Variants in JHY observed in about 807,000 individuals in gnomAD.
The protein encoded by JHY is junctional cadherin complex regulator, also known as jhy protein homolog.
In JHY, 69 loss-of-function variants were observed where a neutral mutation model predicts 78.0. The observed-to-expected ratio is 0.88, with a 90% confidence interval of 0.73 to 1.08. The LOEUF is 1.08. JHY is among the 50% of genes least tolerant of loss of function. The pLI, the probability that JHY is intolerant of heterozygous loss-of-function variation, is 0.00. For missense variants in JHY, 944 were observed against 927.8 expected, an observed-to-expected ratio of 1.02 and a Z score of -0.23; for synonymous variants, 368 against 342.6, an observed-to-expected ratio of 1.07 and a Z score of -0.82.
chr11:122,928,798 G>A (rs1246298847), intron 4 of JHY, among the ~76,000 whole-genome samples: 11 of 151,916 alleles, frequency 7.2e-5, no homozygotes, highest in Non-Finnish European at 1.5e-4. Flanking sequence ...ATAGGCACCC[G>A]CCACCACGCC....
At position 122,935,198 on chromosome 11, in the gene JHY, C is replaced by G; in HGVS notation, c.1634+123C>G. 1.2e-6 allele frequency: 1 copy of G among 848,658 alleles called. No individual in the cohort carries two copies. Among genetic ancestry groups the G allele is most frequent in the Non-Finnish European group, 1.7e-6 (1 of 573,722 alleles). 52.6% of individuals were successfully genotyped at this position (848,658 alleles called of 1,614,324 possible). On this transcript the variant is annotated intron_variant, in intron 5 of 8. Transcript: ENST00000227349. The surrounding 1 kb of genome is among the most constrained non-coding windows in gnomAD (Gnocchi z 4.5). ...TGGCTAGGTGAGAAGAAGAGTTCAC[C>G]TAACAACTTCCTTAGCTCTGATTCC...
Position 122,917,317 on chromosome 11 carries a change from A to G in JHY, c.865-7580A>G, listed in dbSNP as rs561446407. 1.3e-5 allele frequency among the ~76,000 whole-genome samples: 2 copies of G among 152,338 alleles called. No individual in the cohort carries two copies. The highest frequency in any genetic ancestry group is 4.1e-4 in the South Asian group (2 of 4,824). ...TCATCCAGTGAGTTAGTTAAGGAGA[A>G]GGTGGATAGTGCTGTAGTTGTATGT... is the stretch of plus-strand genomic sequence containing the variant. On this transcript the variant is annotated intron_variant, in intron 3 of 8. Coordinates refer to ENST00000227349, the MANE Select transcript of JHY (RefSeq NM_024806.4). This position sits in a 1 kb window ranked among gnomAD's most constrained non-coding sequence, Gnocchi z 4.1.
chr11:122,893,503 C>T (rs140161747), intron 2 of JHY, among the ~76,000 whole-genome samples: 6 of 152,122 alleles, frequency 3.9e-5, no homozygotes, highest in Admixed American at 6.5e-5. Context: ...TGCATTATTG[C>T]GTTAAAATAA....
chr11:122,947,853 G>A (rs1863998088), intron 6 of JHY, among the ~76,000 whole-genome samples: 1 of 152,190 alleles, frequency 6.6e-6, no homozygotes, highest in Admixed American at 6.5e-5. Context: ...CCTTGGCCAA[G>A]GTTCTGAGGG....
rs759001782 is a variant in JHY, at chr11:122,898,821, G to A, written c.345-5104G>A. Among the ~76,000 whole-genome samples the A allele has an allele frequency of 2.0e-5, 3 of 152,258 alleles. No homozygotes were observed. Among genetic ancestry groups the A allele is most frequent in the East Asian group, 1.9e-4 (1 of 5,182 alleles). The stretch of plus-strand genomic sequence containing the variant: ...CCGAGCTGCTTCAAGTGTTTGCAAC[G>A]TCCCTCGAGATCTGACCTTTGCTTG... On this transcript the variant is annotated intron_variant, in intron 2 of 8. Coordinates refer to ENST00000227349, the MANE Select transcript of JHY (RefSeq NM_024806.4). The surrounding 1 kb of genome is among the most constrained non-coding windows in gnomAD (Gnocchi z 4.4).
chr11:122,897,163 A>C (rs1012608553), intron 2 of JHY, among the ~76,000 whole-genome samples: 1 of 151,848 alleles, frequency 6.6e-6, no homozygotes, highest in Non-Finnish European at 1.5e-5. Context: ...CCAAATTTAG[A>C]TGTATTAGTT....
At chr11:122,920,564 TTTGTAG>T (rs1378707920) in intron 3 of JHY, among the ~76,000 whole-genome samples, 1 of 152,220 alleles carries the variant, frequency 6.6e-6, no homozygotes, top group Admixed American at 6.5e-5. Context: ...ATCAACTTTT[TTTGTAG>T]TGCTGTCTGA....
chr11:122,887,340 C>T (rs539561180), intron 2 of JHY, among the ~76,000 whole-genome samples: 11 of 152,008 alleles, frequency 7.2e-5, no homozygotes, highest in Admixed American at 2.0e-4. Flanking sequence ...GTGTGTGGGA[C>T]GGGGGAGGAG....
intron 2 of JHY, among the ~76,000 whole-genome samples, chr11:122,896,778 C>T (rs749762978): frequency 2.0e-5 from 3 of 152,238 alleles, no homozygotes; most frequent in Admixed American, 1.3e-4. Flanking sequence ...CTCTCTGACA[C>T]GTGCTTCCAC....
chr11:122,959,625 A>C lies in JHY; in HGVS notation c.*180A>C, dbSNP rs1864269688. ...CAATTGGATTATGGTGCCATATTTT[A>C]CTTTCTAGGAAGAAAATTTTTTAAA... On this transcript the variant is annotated 3_prime_UTR_variant, in exon 9 of 9. Transcript: ENST00000227349. The C allele has an allele frequency of 3.4e-6, 2 of 594,610 alleles. No homozygotes were observed. The highest frequency in any genetic ancestry group is 5.7e-6 in the Non-Finnish European group (2 of 351,874). The allele number at this position is 594,610 out of a possible 1,614,324, so 36.8% of individuals were successfully genotyped here.
intron 5 of JHY, among the ~76,000 whole-genome samples, chr11:122,942,386 A>T (rs1451330757): frequency 6.6e-6 from 1 of 151,798 alleles, no homozygotes; most frequent in African/African-American, 2.4e-5. Context: ...TTTCTTTGAT[A>T]TTGCTTGAAT....
intron 3 of JHY, among the ~76,000 whole-genome samples, chr11:122,916,154 T>C (rs1863229963): frequency 6.6e-6 from 1 of 151,984 alleles, no homozygotes. Flanking sequence ...AAAAATGTGT[T>C]GTATATTTCA....
In JHY at chr11:122,946,590, T is replaced by A. The variant is rs1803264600; in HGVS notation, c.1727T>A (p.Val576Glu). Residue 576 changes from valine to glutamate, a missense_variant, in exon 6 of 9, where the codon GTG becomes GAG. Val to Glu is a moderately radical substitution (Grantham distance 121). Transcript: ENST00000227349. The part of the protein sequence containing the change: ...QIMEQHQQAL[V>E]QLTDVQPSEG... ...ATGGAGCAGCATCAGCAAGCCTTGG[T>A]GCAGCTGACCGACGTGCAGCCCAGT... The A allele has an allele frequency of 1.2e-6, 2 of 1,614,098 alleles. No homozygotes were observed. The highest frequency in any genetic ancestry group is 1.7e-6 in the Non-Finnish European group (2 of 1,180,002).
chr11:122,907,583 G>T (rs901781147), intron 3 of JHY, among the ~76,000 whole-genome samples: 2 of 152,056 alleles, frequency 1.3e-5, no homozygotes, highest in Non-Finnish European at 2.9e-5. Context: ...GGTGGCTCAC[G>T]CCTGTAATCC....
chr11:122,937,561 C>T (rs753795008), intron 5 of JHY, among the ~76,000 whole-genome samples: 13 of 152,058 alleles, frequency 8.5e-5, no homozygotes, highest in Non-Finnish European at 1.8e-4. Context: ...GCACCCCTTC[C>T]GGCATTTCTT....
chr11:122,922,992 G>A (rs542520955), intron 3 of JHY, among the ~76,000 whole-genome samples: 2 of 152,190 alleles, frequency 1.3e-5, no homozygotes, highest in Non-Finnish European at 2.9e-5. Flanking sequence ...AACTAATTAC[G>A]TCAGTTCAGA....
intron 8 of JHY, among the ~76,000 whole-genome samples, chr11:122,957,793 A>G (rs1006403822): frequency 3.7e-5 from 5 of 136,868 alleles, no homozygotes; most frequent in Admixed American, 2.9e-4. Context: ...TAGCAATGCA[A>G]TAGTGACACA....
rs771285119 is a variant in JHY at position 122,959,557 on chromosome 11, T to TG, written c.*113dup. The TG allele has an allele frequency of 9.9e-7, 1 of 1,009,606 alleles. No homozygotes were observed. The allele number at this position is 1,009,606 out of a possible 1,614,324, so 62.5% of individuals were successfully genotyped here. A position where few individuals can be genotyped will look rare whatever the true frequency, so the allele number is the denominator to read the frequency against. ...TAATGGCCTATTATTATCATCTATC[T>TG]GCCGTCCATGTTTGCTTTCTGCAGG... On this transcript the variant is annotated 3_prime_UTR_variant, in exon 9 of 9. Transcript: ENST00000227349.
At chr11:122,901,777 G>A (rs998015151) in intron 2 of JHY, among the ~76,000 whole-genome samples, 14 of 151,812 alleles carry the variant, frequency 9.2e-5, no homozygotes, top group Non-Finnish European at 2.1e-4. Flanking sequence ...GGAGGCTGAG[G>A]CAGGAGAATG....
Sources: gnomAD v4.1 joint callset for allele counts (sites outside exome capture counted in the v4.1 genomes callset) on GRCh38, gnomAD v4.1.1 for gene constraint, Gnocchi (gnomAD v3.1) non-coding constraint, MANE v1.5 for transcripts, NCBI Gene and HGNC (gene_info 2026-07-23, HGNC 2026-07-21) for gene names.